The following ST8SIA4 variants were observed in gnomAD, a reference collection of about 807,000 sequenced individuals.
ST8SIA4 encodes ST8 alpha-N-acetyl-neuraminide alpha-2,8-sialyltransferase 4.
In ST8SIA4, 15 loss-of-function variants were observed where a neutral mutation model predicts 33.9. The ratio of observed to expected loss-of-function variants is 0.44; its 90% CI spans 0.30 to 0.68. The LOEUF is 0.68. Among genes scored for constraint, ST8SIA4 ranks in the 30% least tolerant of loss-of-function variants. The pLI, the probability that ST8SIA4 is intolerant of heterozygous loss-of-function variation, is 0.10. For synonymous variants in ST8SIA4, 171 were observed against 151.2 expected, an observed-to-expected ratio of 1.13 and a Z score of -0.96; for missense variants, 321 against 428.0, an observed-to-expected ratio of 0.75 and a Z score of 2.21.
chr5:100,882,360 A>G (rs1304308174), intron 3 of ST8SIA4, among the ~76,000 whole-genome samples: 1 of 152,236 alleles, frequency 6.6e-6, no homozygotes, highest in African/African-American at 2.4e-5. Flanking sequence ...GGCATCTGGC[A>G]GAAGAAATTT....
chr5:100,830,140 G>A (rs1481419022), intron 4 of ST8SIA4, among the ~76,000 whole-genome samples: 1 of 152,138 alleles, frequency 6.6e-6, no homozygotes, highest in Non-Finnish European at 1.5e-5. Flanking sequence ...TTTAGCAATC[G>A]CTTGCAAAAC....
At chr5:100,888,453 A>T (rs1051357628) in intron 2 of ST8SIA4, among the ~76,000 whole-genome samples, 1 of 152,000 alleles carries the variant, frequency 6.6e-6, no homozygotes, top group African/African-American at 2.4e-5. Flanking sequence ...AATACCAGCA[A>T]AAAGCAATTT....
intron 2 of ST8SIA4, among the ~76,000 whole-genome samples, chr5:100,894,655 T>G (rs2112481637): frequency 6.6e-6 from 1 of 152,198 alleles, no homozygotes; most frequent in East Asian, 1.9e-4. Context: ...AAACATTGTG[T>G]GAAATTTCTG....
At chr5:100,858,944 A>C (rs1327268118) in intron 3 of ST8SIA4, among the ~76,000 whole-genome samples, 1 of 152,052 alleles carries the variant, frequency 6.6e-6, no homozygotes, top group Admixed American at 6.6e-5. Context: ...CAGCTTGTTC[A>C]TTTTCCTGGG....
intron 4 of ST8SIA4, among the ~76,000 whole-genome samples, chr5:100,815,762 A>G (rs566864911): frequency 6.6e-6 from 1 of 152,304 alleles, no homozygotes; most frequent in East Asian, 1.9e-4. Flanking sequence ...GTCAGAAGAC[A>G]CAGCTTTGTA....
intron 3 of ST8SIA4, among the ~76,000 whole-genome samples, chr5:100,863,066 G>C (rs1262454490): frequency 6.6e-6 from 1 of 152,160 alleles, no homozygotes; most frequent in Non-Finnish European, 1.5e-5. Context: ...TAAAGTGAAG[G>C]TTTCATCTTT....
At position 100,834,198 on chromosome 5, in the gene ST8SIA4, G is replaced by A. The variant is rs530859181; in HGVS notation, c.797+21905C>T. ...GGTCCATTTTTAATAGAATTAGACA[G>A]GTAGAAGAATAAAAGAATAATAAAA... On this transcript the variant is annotated intron_variant, in intron 4 of 4. Coordinates refer to ENST00000231461, the MANE Select transcript of ST8SIA4 (RefSeq NM_005668.6). Among the ~76,000 whole-genome samples the A allele has an allele frequency of 9.2e-5, 14 of 152,172 alleles. No homozygotes were observed. The South Asian group carries it at 2.9e-3, about 32-fold the overall frequency.
intron 3 of ST8SIA4, among the ~76,000 whole-genome samples, chr5:100,878,913 G>A (rs13355889): frequency 0.3 from 45,542 of 151,974 alleles, 6,956 homozygotes; most frequent in Middle Eastern, 0.32. Flanking sequence ...GTGGTAGGCA[G>A]TACCACATGT....
intron 3 of ST8SIA4, among the ~76,000 whole-genome samples, chr5:100,874,010 T>G (rs935264216): frequency 6.6e-6 from 1 of 152,116 alleles, no homozygotes; most frequent in Non-Finnish European, 1.5e-5. Flanking sequence ...ACCAACAAAT[T>G]AAATTCCTTA....
At chr5:100,874,258 A>G (rs955608293) in intron 3 of ST8SIA4, among the ~76,000 whole-genome samples, 1 of 152,138 alleles carries the variant, frequency 6.6e-6, no homozygotes, top group African/African-American at 2.4e-5. Context: ...TGAGGCAAGG[A>G]TTTTGTAGGA....
At chr5:100,872,193 T>G (rs1394093897) in intron 3 of ST8SIA4, among the ~76,000 whole-genome samples, 2 of 152,098 alleles carry the variant, frequency 1.3e-5, no homozygotes, top group East Asian at 1.9e-4. Context: ...AAAATCTTAT[T>G]CACTCTTTAT....
At chr5:100,875,750 C>T (rs1752290802) in intron 3 of ST8SIA4, among the ~76,000 whole-genome samples, 1 of 152,020 alleles carries the variant, frequency 6.6e-6, no homozygotes, top group Non-Finnish European at 1.5e-5. Context: ...ATAAAATAAA[C>T]TTGACGTTTA....
intron 4 of ST8SIA4, among the ~76,000 whole-genome samples, chr5:100,826,393 C>T (rs1230843552): frequency 6.6e-6 from 1 of 152,072 alleles, no homozygotes; most frequent in Non-Finnish European, 1.5e-5. Flanking sequence ...TTACAAATTG[C>T]TTACATCTGT....
intron 2 of ST8SIA4, chr5:100,890,522 T>G (rs1053291035): frequency 1.3e-5 from 2 of 151,918 alleles, no homozygotes; most frequent in African/African-American, 2.4e-5. Flanking sequence ...CTGCGCTCTA[T>G]CTAGAGACAC....
chr5:100,819,748 C>A (rs1044280958), intron 4 of ST8SIA4, among the ~76,000 whole-genome samples: 9 of 151,884 alleles, frequency 5.9e-5, no homozygotes, highest in African/African-American at 1.7e-4. Context: ...ATGGAGTAAA[C>A]CATTTATAAA....
At chr5:100,845,671 G>T (rs1289751559) in intron 4 of ST8SIA4, among the ~76,000 whole-genome samples, 1 of 151,662 alleles carries the variant, frequency 6.6e-6, no homozygotes, top group Non-Finnish European at 1.5e-5. Flanking sequence ...GCAGTATAGC[G>T]CTTTGTTCTG....
rs767830928 is a variant in ST8SIA4, at chr5:100,816,231, AAAG to A, written c.798-4105_798-4103del. On this transcript the variant is annotated intron_variant, in intron 4 of 4. Coordinates refer to ENST00000231461, the MANE Select transcript of ST8SIA4 (RefSeq NM_005668.6). ...TTCAGGTTGTAACACATTGCAAAGAAAAGAAGGTACCTAATAAATGCTTATTGA... is the reference window on the plus strand; with the variant it reads ...TTCAGGTTGTAACACATTGCAAAGAAAAGGTACCTAATAAATGCTTATTGA... Among the ~76,000 whole-genome samples the A allele has an allele frequency of 5.3e-4, 80 of 152,220 alleles. 1 individual carries two copies. Among genetic ancestry groups the A allele is most frequent in the Admixed American group, 1.2e-3 (18 of 15,278 alleles).
At chr5:100,848,964 G>C (rs1468928581) in intron 4 of ST8SIA4, 4 of 208,542 alleles carry the variant, frequency 1.9e-5, no homozygotes, top group Non-Finnish European at 2.5e-5. Flanking sequence ...TTCTTCTGCT[G>C]TCAAGTAAAC....
chr5:100,835,473 G>T (rs1016616901), intron 4 of ST8SIA4, among the ~76,000 whole-genome samples: 5 of 151,972 alleles, frequency 3.3e-5, no homozygotes, highest in Non-Finnish European at 7.4e-5. Context: ...AATGTGTAAT[G>T]CTATTAAAGA....
Sources: gnomAD v4.1 joint callset for allele counts (sites outside exome capture counted in the v4.1 genomes callset) on GRCh38, gnomAD v4.1.1 for gene constraint, MANE v1.5 for transcripts, NCBI Gene and HGNC (gene_info 2026-07-23, HGNC 2026-07-21) for gene names.